Variants in RNF112 observed in about 807,000 individuals in gnomAD.
RNF112 encodes the protein ring finger protein 112.
RNF112 carries 34 observed loss-of-function variants against 64.7 expected under a neutral mutation model. The ratio of observed to expected loss-of-function variants is 0.53; its 90% CI spans 0.40 to 0.70. The LOEUF is 0.70. Ranked by LOEUF, RNF112 falls within the 30% of genes least tolerant of loss-of-function variation. The pLI is 0.00. For synonymous variants in RNF112, 345 were observed against 344.5 expected, an observed-to-expected ratio of 1.00 and a Z score of -0.02; for missense variants, 734 against 850.0, an observed-to-expected ratio of 0.86 and a Z score of 1.70.
rs571000998 is a variant in RNF112 at position 19,416,191 on chromosome 17, T to C, written c.*16T>C. The C allele has an allele frequency of 1.3e-6, 2 of 1,535,208 alleles. No homozygotes were observed. Among genetic ancestry groups the C allele is most frequent in the East Asian group, 2.4e-5 (1 of 41,158 alleles). ...GGAAGAGTAACAGCCCCAGGAGGTATTGAAGGACAGGAGAGATGTCAGGTG... is the reference window on the plus strand; with the variant it reads ...GGAAGAGTAACAGCCCCAGGAGGTACTGAAGGACAGGAGAGATGTCAGGTG... On this transcript the variant is annotated 3_prime_UTR_variant, in exon 14 of 14. Transcript: ENST00000461366.
Position 19,413,332 on chromosome 17 carries a change from G to T in RNF112, c.641G>T (p.Cys214Phe), listed in dbSNP as rs1315099215. 6.2e-7 allele frequency: 1 copy of T among 1,613,232 alleles called. No individual in the cohort carries two copies. The highest frequency in any genetic ancestry group is 1.3e-5 in the African/African-American group (1 of 74,938). ...PRGGEASLQG[C>F]RWGANGLARG... ...GGAGGAGAGGCATCCCTGCAGGGCT[G>T]CAGGTGGGGCGCCAATGGCCTCGCC... Residue 214 changes from cysteine to phenylalanine, a missense_variant, in exon 5 of 14, where the codon TGC (cysteine) becomes TTC (phenylalanine). Physicochemically the swap from Cys to Phe is radical, Grantham distance 205. Coordinates refer to ENST00000461366, the MANE Select transcript of RNF112 (RefSeq NM_007148.5). The surrounding 1 kb of genome is among the most constrained non-coding windows in gnomAD (Gnocchi z 5.9).
In RNF112 at chr17:19,415,108, C is replaced by T. The variant is rs753699888; in HGVS notation, c.1197C>T (p.His399=). The part of the protein sequence containing the change: ...VSDVLSAAPQ[H]AKSRCQGYWN... ...ATGTGCTGAGTGCGGCCCCCCAGCA[C>T]GCTAAGAGCCGCTGCCAGGGGTACT... Residue 399 remains histidine (H), a synonymous_variant, in exon 11 of 14, where the codon CAC becomes CAT. Coordinates refer to ENST00000461366, the MANE Select transcript of RNF112 (RefSeq NM_007148.5). The surrounding 1 kb of genome is among the most constrained non-coding windows in gnomAD (Gnocchi z 7.8). 30 of 1,606,970 alleles carry T rather than the reference C, an allele frequency of 1.9e-5. 1 individual carries two copies. The Middle Eastern group carries it at 1.7e-3, about 89-fold the overall frequency.
chr17:19,416,002 C>T lies in RNF112; in HGVS notation c.1723C>T (p.Leu575=). The change falls in exon 14 of 14, where the codon CTG becomes TTG. Residue 575 remains leucine, a synonymous_variant. Transcript: ENST00000461366. The part of the protein sequence containing the change: ...VVGAGMAAAA[L]AAEAGMVAAG... ...GGGTGCTGGCATGGCAGCAGCTGCA[C>T]TGGCTGCAGAGGCTGGGATGGTGGC... The T allele has an allele frequency of 6.4e-7, 1 of 1,555,436 alleles. No homozygotes were observed. The highest frequency in any genetic ancestry group is 1.4e-5 in the African/African-American group (1 of 73,794).
chr17:19,414,273 G>A, intron 7 of RNF112, 128 bp downstream of exon 7: 1 of 1,103,400 alleles, frequency 9.1e-7, no homozygotes, highest in Non-Finnish European at 1.3e-6. Flanking sequence ...GTTGAAGGGG[G>A]AGGGTGGAGA....
In RNF112 at chr17:19,412,696, G is replaced by C; in HGVS notation, c.294G>C (p.Arg98=). The change falls in exon 3 of 14, where the codon CGG becomes CGC. Residue 98 remains arginine (R), a synonymous_variant. Transcript: ENST00000461366. The surrounding 1 kb of genome is among the most constrained non-coding windows in gnomAD (Gnocchi z 5.1). The part of the protein sequence containing the change: ...GCEPPCCPEC[R]KICKQKRGLR... ...AGCCGCCCTGCTGTCCTGAGTGCCG[G>C]AAGATATGCAAGCAGAAGAGGGGCC... The C allele has an allele frequency of 6.2e-7, 1 of 1,613,306 alleles. No individual in the cohort carries two copies.
At position 19,416,140 on chromosome 17, in the gene RNF112, GA is replaced by G; in HGVS notation, c.1863del (p.Asp623ThrfsTer16). The G allele has an allele frequency of 6.4e-7, 1 of 1,570,350 alleles. No individual in the cohort carries two copies. The highest frequency in any genetic ancestry group is 2.3e-5 in the East Asian group (1 of 42,736). Reference protein sequence around the residue: ...MEKEEDERLLEGDREPLLQEE With the variant: ...MEKEEDERLLXGDREPLLQEE ...GAAGGAGGAGGATGAGAGGCTTCTG[GA>G]AGGGGACCGAGAGCCCCTTCTCCAG... On this transcript the variant is annotated frameshift_variant, in exon 14 of 14. Coordinates refer to ENST00000461366, the MANE Select transcript of RNF112 (RefSeq NM_007148.5). LOFTEE classifies it high-confidence loss of function.
chr17:19,412,932 G>T lies in RNF112; in HGVS notation c.382-6G>T, dbSNP rs933117142. 4.4e-6 allele frequency: 7 copies of T among 1,579,612 alleles called. No homozygotes were observed. Among genetic ancestry groups the T allele is most frequent in the Non-Finnish European group, 6.0e-6 (7 of 1,162,836 alleles). On this transcript the variant is annotated splice_region_variant and splice_polypyrimidine_tract_variant and intron_variant, in intron 3 of 13. Coordinates refer to ENST00000461366, the MANE Select transcript of RNF112 (RefSeq NM_007148.5). The surrounding 1 kb of genome is among the most constrained non-coding windows in gnomAD (Gnocchi z 5.1). ...GCTCAGGGGCCCCTCTCTTCTCCTG[G>T]CCCAGGAGACGTGTCCTGTGAGGGC...
At chr17:19,411,874 C>T (rs752618443) in intron 2 of RNF112, 20 of 626,566 alleles carry the variant, frequency 3.2e-5, no homozygotes, top group Non-Finnish European at 5.2e-5. Flanking sequence ...GAGCAGAGAG[C>T]GGAAGGAATC....
intron 9 of RNF112, 43 bp from the exon 10 acceptor site, chr17:19,414,727 G>C: frequency 6.2e-7 from 1 of 1,610,992 alleles, no homozygotes; most frequent in South Asian, 1.1e-5. Context: ...GACATGGGAG[G>C]CTGGACCTCC....
Position 19,415,398 on chromosome 17 carries a change from G to A in RNF112, c.1350+59G>A. The A allele has an allele frequency of 1.3e-6, 2 of 1,551,064 alleles. No individual in the cohort carries two copies. The highest frequency in any genetic ancestry group is 1.4e-5 in the African/African-American group (1 of 73,630). On this transcript the variant is annotated intron_variant, in intron 12 of 13. Coordinates refer to ENST00000461366, the MANE Select transcript of RNF112 (RefSeq NM_007148.5). The surrounding 1 kb of genome is among the most constrained non-coding windows in gnomAD (Gnocchi z 7.8). ...GGAGACAGGGGAGGCAGGGAGGTGG[G>A]GGCTGTGCCGAGGCCTCCGGGGTGG... is the stretch of plus-strand genomic sequence containing the variant.
At chr17:19,414,050 C>A in intron 6 of RNF112, 45 bp from the exon 7 acceptor site, 1 of 1,563,114 alleles carries the variant, frequency 6.4e-7, no homozygotes, top group Non-Finnish European at 8.8e-7. Flanking sequence ...GTGAAGTCAC[C>A]CGGCCTCTGT....
Position 19,414,163 on chromosome 17 carries a change from G to A in RNF112, c.876+18G>A, listed in dbSNP as rs563634445. 4 of 1,599,214 alleles carry A rather than the reference G, an allele frequency of 2.5e-6. No individual in the cohort carries two copies. In the South Asian group the frequency reaches 3.3e-5, roughly 13 times the overall value. ...ATCTGGAGGTAAAGAGACCTCTGAT[G>A]TTGGGGCATCCCCCACCCCCACCCT... On this transcript the variant is annotated intron_variant, in intron 7 of 13. Coordinates refer to ENST00000461366, the MANE Select transcript of RNF112 (RefSeq NM_007148.5).
chr17:19,414,959 G>A, intron 10 of RNF112, 72 bp downstream of exon 10: 1 of 1,592,374 alleles, frequency 6.3e-7, no homozygotes, highest in Non-Finnish European at 8.6e-7. Context: ...GCCCCTTGAA[G>A]CACCCACCTC....
rs1398477125 is a variant in RNF112, at chr17:19,415,553, A to G, written c.1386A>G (p.Glu462=). ...AGCTGCACGACCTGAGGAAGGTGGA[A>G]GCTGCCAAGAGGGAGTTCGAGGAGT... ...AAQLHDLRKV[E]AAKREFEEYV... Residue 462 remains glutamate, a synonymous_variant, in exon 13 of 14, where the codon GAA becomes GAG. Coordinates refer to ENST00000461366, the MANE Select transcript of RNF112 (RefSeq NM_007148.5). This position sits in a 1 kb window ranked among gnomAD's most constrained non-coding sequence, Gnocchi z 7.8. 1 of 1,612,896 alleles carries G rather than the reference A, an allele frequency of 6.2e-7. No individual in the cohort carries two copies. The highest frequency in any genetic ancestry group is 1.1e-5 in the South Asian group (1 of 90,778).
rs1033198075 is a variant in RNF112 at position 19,412,112 on chromosome 17, C to A, written c.96-386C>A. ...GCCTCCTCTCGGATGGCCACCCCAACGGCCCCATGAGGGGTATTGCTATCC... is the reference window on the plus strand; with the variant it reads ...GCCTCCTCTCGGATGGCCACCCCAAAGGCCCCATGAGGGGTATTGCTATCC... On this transcript the variant is annotated intron_variant, in intron 2 of 13. Transcript: ENST00000461366. The surrounding 1 kb of genome is among the most constrained non-coding windows in gnomAD (Gnocchi z 5.1). Among the ~76,000 whole-genome samples, 1 of 152,230 alleles carries A rather than the reference C, an allele frequency of 6.6e-6. No homozygotes were observed. Among genetic ancestry groups the A allele is most frequent in the South Asian group, 2.1e-4 (1 of 4,832 alleles).
Position 19,411,614 on chromosome 17 carries a change from T to C in RNF112, c.55-16T>C. Reference sequence around the variant, plus strand: ...GATTATGTTCTAAATCTTTTTTTTTTTTTTTTTTCTCCAAGGAGAGAAAAC... The same window carrying C: ...GATTATGTTCTAAATCTTTTTTTTTCTTTTTTTTCTCCAAGGAGAGAAAAC... On this transcript the variant is annotated splice_polypyrimidine_tract_variant and intron_variant, in intron 1 of 13. Coordinates refer to ENST00000461366, the MANE Select transcript of RNF112 (RefSeq NM_007148.5). 1.3e-6 allele frequency: 2 copies of C among 1,548,536 alleles called. No homozygotes were observed. Among genetic ancestry groups the C allele is most frequent in the Non-Finnish European group, 1.7e-6 (2 of 1,146,674 alleles).
Position 19,413,750 on chromosome 17 carries a change from C to G in RNF112, c.825+69C>G, listed in dbSNP as rs557277740. The G allele has an allele frequency of 2.4e-5, 29 of 1,196,948 alleles. No individual in the cohort carries two copies. Among genetic ancestry groups the G allele is most frequent in the Non-Finnish European group, 3.2e-5 (27 of 846,264 alleles). 74.1% of individuals were successfully genotyped at this position (1,196,948 alleles called of 1,614,324 possible). A position where few individuals can be genotyped will look rare whatever the true frequency, so the allele number is the denominator to read the frequency against. On this transcript the variant is annotated intron_variant, in intron 6 of 13. Coordinates refer to ENST00000461366, the MANE Select transcript of RNF112 (RefSeq NM_007148.5). The surrounding 1 kb of genome is among the most constrained non-coding windows in gnomAD (Gnocchi z 5.9). ...TTCTCCAGCTCAGCTTCCTCAAGGC[C>G]AGAGCATCTCACAGGCTTTGGTGTC... is the stretch of plus-strand genomic sequence containing the variant.
chr17:19,412,764 C>T lies in RNF112; in HGVS notation c.362C>T (p.Pro121Leu), dbSNP rs760166387. The change falls in exon 3 of 14, where the codon CCG (proline) becomes CTG (leucine). Residue 121 changes from proline to leucine, a missense_variant. By Grantham distance (98) the Pro-to-Leu change is moderately conservative (BLOSUM62 -3). Coordinates refer to ENST00000461366, the MANE Select transcript of RNF112 (RefSeq NM_007148.5). The surrounding 1 kb of genome is among the most constrained non-coding windows in gnomAD (Gnocchi z 5.1). ...AAGATGAAGCTCCTGCCGCAGCGGC[C>T]GCTGCCCCCTGCACTGCAGGTCTGG... is the stretch of plus-strand genomic sequence containing the variant. ...GEKMKLLPQR[P>L]LPPALQETCP... is the part of the protein sequence containing the mutation. 4.3e-6 allele frequency: 7 copies of T among 1,612,616 alleles called. No individual in the cohort carries two copies. The highest frequency in any genetic ancestry group is 2.7e-5 in the African/African-American group (2 of 74,818).
At position 19,413,818 on chromosome 17, in the gene RNF112, G is replaced by T. The variant is rs916036905; in HGVS notation, c.825+137G>T. The T allele has an allele frequency of 7.2e-6, 5 of 696,320 alleles. No individual in the cohort carries two copies. Among genetic ancestry groups the T allele is most frequent in the African/African-American group, 3.6e-5 (2 of 55,736 alleles). The allele number at this position is 696,320 out of a possible 1,614,324, so 43.1% of individuals were successfully genotyped here. ...CTGGGGCTGCCTTAGAAGGGGGAAGGTGCTCCTAGTTGGTGAAGGTGGGAA... is the reference window on the plus strand; with the variant it reads ...CTGGGGCTGCCTTAGAAGGGGGAAGTTGCTCCTAGTTGGTGAAGGTGGGAA... On this transcript the variant is annotated intron_variant, in intron 6 of 13. Transcript: ENST00000461366. The surrounding 1 kb of genome is among the most constrained non-coding windows in gnomAD (Gnocchi z 5.9).
Sources: gnomAD v4.1 joint callset for allele counts (sites outside exome capture counted in the v4.1 genomes callset) on GRCh38, gnomAD v4.1.1 for gene constraint, Gnocchi (gnomAD v3.1) non-coding constraint, MANE v1.5 for transcripts, NCBI Gene and HGNC (gene_info 2026-07-23, HGNC 2026-07-21) for gene names.